GRIA1: variants seen among roughly 807,000 people sequenced by gnomAD.
The protein encoded by GRIA1 is glutamate ionotropic receptor AMPA type subunit 1, also known as glutamate receptor 1.
GRIA1 carries 31 observed loss-of-function variants against 99.2 expected under a neutral mutation model. That is an observed-to-expected ratio of 0.31 (90% CI 0.23 to 0.42). The LOEUF (loss-of-function observed/expected upper bound fraction) is 0.42. GRIA1 is among the 10% of genes least tolerant of loss of function. GRIA1 has a pLI of 1.00. For missense variants in GRIA1, 782 were observed against 1,157.5 expected (o/e 0.68, Z 4.71); for synonymous variants, 438 against 432.4 (o/e 1.01, Z -0.16).
chr5:153,654,821 A>T (rs1754821905), intron 4 of GRIA1, among the ~76,000 whole-genome samples: 1 of 152,184 alleles, frequency 6.6e-6, no homozygotes, highest in Non-Finnish European at 1.5e-5. Context: ...CAATTTGATG[A>T]TTAAAAAAAA....
chr5:153,625,440 G>A (rs1468129594), intron 2 of GRIA1, among the ~76,000 whole-genome samples: 4 of 152,182 alleles, frequency 2.6e-5, no homozygotes, highest in African/African-American at 4.8e-5. Context: ...CAGTGCCACC[G>A]GCATTTGCCG....
chr5:153,764,208 A>G (rs907674376), intron 11 of GRIA1, among the ~76,000 whole-genome samples: 1 of 152,144 alleles, frequency 6.6e-6, no homozygotes, highest in African/African-American at 2.4e-5. Flanking sequence ...TGTGGGCTTT[A>G]TCACCCCTGA....
intron 11 of GRIA1, among the ~76,000 whole-genome samples, chr5:153,731,458 G>A (rs562401009): frequency 1.3e-5 from 2 of 152,130 alleles, no homozygotes; most frequent in Non-Finnish European, 1.5e-5. Context: ...AGGACAGCCT[G>A]TAGCTCCTGC....
intron 2 of GRIA1, among the ~76,000 whole-genome samples, chr5:153,529,243 C>T (rs571689324): frequency 1.4e-4 from 21 of 152,264 alleles, no homozygotes; most frequent in African/African-American, 4.8e-4. Context: ...GAATATCTTT[C>T]CCCAATGCCA....
intron 10 of GRIA1, among the ~76,000 whole-genome samples, chr5:153,703,907 A>G (rs1007983113): frequency 6.6e-6 from 1 of 152,170 alleles, no homozygotes; most frequent in Non-Finnish European, 1.5e-5. Context: ...AGTCATTTCC[A>G]TTACTTGTCT....
At chr5:153,722,258 T>C (rs905758832) in intron 11 of GRIA1, among the ~76,000 whole-genome samples, 3 of 152,210 alleles carry the variant, frequency 2.0e-5, no homozygotes, top group Non-Finnish European at 4.4e-5. Flanking sequence ...TGTCTCTCAT[T>C]CTGTGGCTTA....
At chr5:153,760,636 T>C (rs1452244343) in intron 11 of GRIA1, among the ~76,000 whole-genome samples, 4 of 152,034 alleles carry the variant, frequency 2.6e-5, no homozygotes, top group Non-Finnish European at 4.4e-5. Context: ...ATCCCTATCA[T>C]AATGTCAACA....
chr5:153,509,197 C>T (rs73284009), intron 2 of GRIA1, among the ~76,000 whole-genome samples: 2,938 of 152,170 alleles, frequency 0.019, 91 homozygotes, highest in African/African-American at 0.065. Context: ...TGGGGAGGTT[C>T]CTACAATAGT....
At chr5:153,670,913 C>G (rs1196939271) in intron 5 of GRIA1, among the ~76,000 whole-genome samples, 1 of 152,026 alleles carries the variant, frequency 6.6e-6, no homozygotes, top group African/African-American at 2.4e-5. Context: ...TGATTAAAAG[C>G]ATTGTAGAGA....
intron 11 of GRIA1, among the ~76,000 whole-genome samples, chr5:153,751,992 G>A (rs762769356): frequency 7.2e-5 from 11 of 152,112 alleles, no homozygotes; most frequent in African/African-American, 1.4e-4. Context: ...CTTGGATCTC[G>A]GCAGTCAGCC....
chr5:153,538,153 T>C (rs1185616522), intron 2 of GRIA1, among the ~76,000 whole-genome samples: 2 of 152,162 alleles, frequency 1.3e-5, no homozygotes, highest in South Asian at 2.1e-4. Context: ...TGAATATTTA[T>C]ACACAATAAA....
intron 2 of GRIA1, among the ~76,000 whole-genome samples, chr5:153,640,116 C>A (rs930651887): frequency 3.9e-5 from 6 of 152,160 alleles, no homozygotes; most frequent in African/African-American, 1.4e-4. Flanking sequence ...ATATGTCAGC[C>A]CACAGGGTGA....
At chr5:153,576,832 A>C (rs1452269853) in intron 2 of GRIA1, among the ~76,000 whole-genome samples, 1 of 152,200 alleles carries the variant, frequency 6.6e-6, no homozygotes, top group Non-Finnish European at 1.5e-5. Context: ...GAGCTGATGC[A>C]ATAATTTAGG....
Position 153,722,650 on chromosome 5 carries a change from T to A in GRIA1, c.1823+16583T>A, listed in dbSNP as rs76308694. Reference sequence around the variant, plus strand: ...TCTGTGTCTGGATTCTTGATTCTGTTCTGTTGATATAGTTGTCTGTCTTTG... The same window carrying A: ...TCTGTGTCTGGATTCTTGATTCTGTACTGTTGATATAGTTGTCTGTCTTTG... On this transcript the variant is annotated intron_variant, in intron 11 of 15. Coordinates refer to ENST00000285900, the MANE Select transcript of GRIA1 (RefSeq NM_000827.4). Among the ~76,000 whole-genome samples the A allele has an allele frequency of 4.2e-4, 64 of 152,338 alleles. No individual in the cohort carries two copies. In the East Asian group the frequency reaches 0.011, roughly 27 times the overall value.
At chr5:153,699,673 G>T (rs1758372214) in intron 10 of GRIA1, among the ~76,000 whole-genome samples, 1 of 152,016 alleles carries the variant, frequency 6.6e-6, no homozygotes, top group Non-Finnish European at 1.5e-5. Flanking sequence ...TTCCCCTATA[G>T]AATTTAGTTG....
At chr5:153,646,162 G>A (rs1166060288) in intron 2 of GRIA1, among the ~76,000 whole-genome samples, 2 of 152,282 alleles carry the variant, frequency 1.3e-5, no homozygotes, top group East Asian at 1.9e-4. Flanking sequence ...CTACAGAATC[G>A]GTCCTGTGGG....
intron 2 of GRIA1, among the ~76,000 whole-genome samples, chr5:153,641,454 G>A (rs529900783): frequency 6.6e-5 from 10 of 152,228 alleles, no homozygotes; most frequent in South Asian, 2.1e-4. Context: ...GACAGCCCAC[G>A]CCATGCAGTG....
intron 8 of GRIA1, 53 bp downstream of exon 8, chr5:153,686,382 T>C: frequency 7.3e-7 from 1 of 1,371,756 alleles, no homozygotes; most frequent in African/African-American, 1.4e-5. Flanking sequence ...GAGCAGGGAC[T>C]CTGGCCAGAG....
At chr5:153,520,807 TAATAAC>T (rs1310759736) in intron 2 of GRIA1, among the ~76,000 whole-genome samples, 7 of 152,312 alleles carry the variant, frequency 4.6e-5, no homozygotes, top group Non-Finnish European at 8.8e-5. Context: ...GTAATAGTAA[TAATAAC>T]AATATAAATA....
Sources: allele counts gnomAD v4.1 joint callset (sites outside exome capture counted in the v4.1 genomes callset), GRCh38; gene constraint gnomAD v4.1.1; transcripts MANE v1.5; gene names NCBI Gene and HGNC (gene_info 2026-07-23, HGNC 2026-07-21).